PSD3: variants seen among roughly 807,000 people sequenced by gnomAD.
PSD3 encodes PH and SEC7 domain-containing protein 3.
A neutral mutation model predicts 105.5 loss-of-function variants in PSD3; 49 were observed. The observed-to-expected ratio is 0.46, with a 90% CI of 0.37 to 0.59. The LOEUF is 0.59. PSD3 is among the 20% of genes least tolerant of loss of function. PSD3 has a pLI of 0.00. For synonymous variants in PSD3, 557 were observed against 457.8 expected (o/e 1.22, Z -2.77); for missense variants, 1,561 against 1,263.8 (o/e 1.24, Z -3.57).
chr8:18,699,649 G>T (rs1051869996), intron 9 of PSD3, among the ~76,000 whole-genome samples: 1 of 152,050 alleles, frequency 6.6e-6, no homozygotes, highest in Non-Finnish European at 1.5e-5. Flanking sequence ...AAAAATTTCA[G>T]GTAGCGTAAA....
At chr8:18,940,535 T>C (rs1433667818) in intron 1 of PSD3, 1 of 152,218 alleles carries the variant, frequency 6.6e-6, no homozygotes, top group African/African-American at 2.4e-5. Flanking sequence ...AGTGCTCCAT[T>C]AACATACTCC....
intron 9 of PSD3, among the ~76,000 whole-genome samples, chr8:18,720,208 C>T (rs1466687903): frequency 2.0e-5 from 3 of 152,120 alleles, no homozygotes; most frequent in East Asian, 3.9e-4. Flanking sequence ...CCTCAAAGCT[C>T]CTGCTTTGAA....
chr8:18,955,904 G>T (rs1452235674), intron 1 of PSD3, among the ~76,000 whole-genome samples: 1 of 152,094 alleles, frequency 6.6e-6, no homozygotes, highest in East Asian at 1.9e-4. Context: ...AAGTTGCTAG[G>T]ACTACAGGCA....
chr8:18,910,637 T>TAAAAAA lies in PSD3; in HGVS notation c.130+25391_130+25396dup, dbSNP rs34392783. On this transcript the variant is annotated intron_variant, in intron 2 of 15. Coordinates refer to ENST00000327040, the MANE Select transcript of PSD3 (RefSeq NM_015310.4). ...ATGTACCCTAAAACTTAGAGTATAA[T>TAAAAAA]AAAAAAAAAAAAAAAAAAAAAAGAA... 1.3e-3 allele frequency among the ~76,000 whole-genome samples: 129 copies of TAAAAAA among 96,978 alleles called. 1 individual carries two copies. The highest frequency in any genetic ancestry group is 1.5e-3 in the East Asian group (5 of 3,372). 63.6% of individuals were successfully genotyped at this position (96,978 alleles called of 152,430 possible). A position where few individuals can be genotyped will look rare whatever the true frequency, so the allele number is the denominator to read the frequency against.
chr8:18,875,878 T>C (rs1026279533), intron 2 of PSD3, among the ~76,000 whole-genome samples: 8 of 152,122 alleles, frequency 5.3e-5, no homozygotes, highest in Non-Finnish European at 7.3e-5. Flanking sequence ...AAACCCTGTA[T>C]CCATAAGCAG....
intron 15 of PSD3, among the ~76,000 whole-genome samples, chr8:18,550,085 C>A (rs1234176403): frequency 6.6e-6 from 1 of 152,124 alleles, no homozygotes; most frequent in Non-Finnish European, 1.5e-5. Flanking sequence ...GAAGATAATA[C>A]CTTTACCCAA....
At chr8:18,594,945 ACTGATATGCAGTG>A (rs1416664940) in intron 12 of PSD3, among the ~76,000 whole-genome samples, 2 of 152,144 alleles carry the variant, frequency 1.3e-5, no homozygotes, top group Non-Finnish European at 2.9e-5. Context: ...TGCAGCAATC[ACTGATATGCAGTG>A]CTGAGCATAT....
intron 1 of PSD3, among the ~76,000 whole-genome samples, chr8:19,072,764 T>A (rs1043437628): frequency 2.0e-5 from 3 of 152,160 alleles, no homozygotes; most frequent in Admixed American, 6.5e-5. Context: ...CTCTCCAGGG[T>A]CTGCATATTC....
chr8:18,963,641 C>A (rs1586538075), intron 1 of PSD3, among the ~76,000 whole-genome samples: 1 of 152,110 alleles, frequency 6.6e-6, no homozygotes, highest in East Asian at 1.9e-4. Context: ...TTCTGCTATA[C>A]AACGCTAGCT....
intron 9 of PSD3, 142 bp from the exon 10 acceptor site, chr8:18,655,827 G>GGCA (rs1808847557): frequency 4.3e-6 from 3 of 702,670 alleles, no homozygotes; most frequent in Non-Finnish European, 7.3e-6. Flanking sequence ...GAAAGGTGAA[G>GGCA]AATACATGGG....
intron 15 of PSD3, among the ~76,000 whole-genome samples, chr8:18,549,377 C>G (rs1365366043): frequency 6.6e-6 from 1 of 151,972 alleles, no homozygotes; most frequent in African/African-American, 2.4e-5. Context: ...GATGGGGTTT[C>G]TTTGTATTTT....
At chr8:19,076,242 A>T (rs1277179344) in intron 1 of PSD3, among the ~76,000 whole-genome samples, 1 of 152,244 alleles carries the variant, frequency 6.6e-6, no homozygotes, top group East Asian at 1.9e-4. Flanking sequence ...GATTTATTTC[A>T]GTTGAAAATA....
At chr8:18,836,950 GTGT>G (rs975203232) in intron 4 of PSD3, among the ~76,000 whole-genome samples, 3 of 149,218 alleles carry the variant, frequency 2.0e-5, no homozygotes, top group Non-Finnish European at 3.0e-5. Flanking sequence ...AGTTTCTTAC[GTGT>G]TTTTTTTTTT....
intron 2 of PSD3, among the ~76,000 whole-genome samples, chr8:18,897,745 T>G (rs1374790958): frequency 1.3e-5 from 2 of 152,164 alleles, no homozygotes; most frequent in Non-Finnish European, 2.9e-5. Context: ...TTTCCCTAGG[T>G]ATTTTACTTT....
chr8:19,032,576 G>A (rs1827805696), intron 1 of PSD3, among the ~76,000 whole-genome samples: 1 of 151,310 alleles, frequency 6.6e-6, no homozygotes, highest in Non-Finnish European at 1.5e-5. Flanking sequence ...CTTGAGCTCG[G>A]GAGGCCAAGG....
intron 2 of PSD3, among the ~76,000 whole-genome samples, chr8:18,898,001 G>C (rs984538484): frequency 3.9e-5 from 6 of 152,204 alleles, no homozygotes; most frequent in Admixed American, 2.6e-4. Context: ...TTCTTGTCTT[G>C]TTCCAGAGCT....
intron 8 of PSD3, among the ~76,000 whole-genome samples, chr8:18,766,494 C>T (rs1021565405): frequency 3.3e-5 from 5 of 152,132 alleles, no homozygotes; most frequent in African/African-American, 4.8e-5. Flanking sequence ...GAAAAACCGA[C>T]GCTACATTTA....
At chr8:18,765,595 A>T in intron 8 of PSD3, 57 bp from the exon 9 acceptor site, 1 of 1,333,260 alleles carries the variant, frequency 7.5e-7, no homozygotes, top group Non-Finnish European at 1.1e-6. Flanking sequence ...AGACTGATTC[A>T]TAAATATATG....
chr8:18,611,019 C>T (rs898329066), intron 11 of PSD3, among the ~76,000 whole-genome samples: 3 of 152,108 alleles, frequency 2.0e-5, no homozygotes, highest in Non-Finnish European at 2.9e-5. Flanking sequence ...ATTATTAGGA[C>T]ACATACCCTA....
Sources: gnomAD v4.1 joint callset for allele counts (sites outside exome capture counted in the v4.1 genomes callset) on GRCh38, gnomAD v4.1.1 for gene constraint, MANE v1.5 for transcripts, NCBI Gene and HGNC (gene_info 2026-07-23, HGNC 2026-07-21) for gene names.